Variants in SERPINA5 observed in about 807,000 individuals in gnomAD.
The protein encoded by SERPINA5 is serpin family A member 5, also known as plasma serine protease inhibitor.
Under a neutral mutation model 25.3 loss-of-function variants are expected in SERPINA5, and 25 were observed. That is an observed-to-expected ratio of 0.99 (90% CI 0.72 to 1.38). The LOEUF (loss-of-function observed/expected upper bound fraction) is 1.38. SERPINA5 is among the 40% of genes most tolerant of loss of function. The probability of loss-of-function intolerance (pLI) is 0.00; values close to 1 mark genes in which losing one functional copy is unlikely to be tolerated. For synonymous variants in SERPINA5, 234 were observed against 206.2 expected, an observed-to-expected ratio of 1.14 and a Z score of -1.16; for missense variants, 599 against 509.5, an observed-to-expected ratio of 1.18 and a Z score of -1.69.
Position 94,592,215 on chromosome 14 carries a change from C to T in SERPINA5, c.1197C>T (p.Phe399=), listed in dbSNP as rs1885330132. Residue 399 remains phenylalanine (F), a synonymous_variant, in exon 6 of 6, where the codon TTC becomes TTT. Transcript: ENST00000329597. The part of the protein sequence containing the change: ...LMFIVDNNIL[F]LGKVNRP Reference sequence around the variant, plus strand: ...TCATTGTGGATAACAACATCCTCTTCCTTGGCAAAGTGAACCGCCCCTGAG... The same window carrying T: ...TCATTGTGGATAACAACATCCTCTTTCTTGGCAAAGTGAACCGCCCCTGAG... The T allele has an allele frequency of 6.2e-7, 1 of 1,613,690 alleles. No individual in the cohort carries two copies. The highest frequency in any genetic ancestry group is 8.5e-7 in the Non-Finnish European group (1 of 1,179,788).
At position 94,584,680 on chromosome 14, in the gene SERPINA5, G is replaced by A. The variant is rs78447753; in HGVS notation, c.-17-2666G>A. 2.1e-3 allele frequency among the ~76,000 whole-genome samples: 319 copies of A among 152,286 alleles called. 2 individuals carry two copies. The East Asian group carries it at 0.025, about 12-fold the overall frequency. On this transcript the variant is annotated intron_variant, in intron 2 of 5. Transcript: ENST00000329597. ...AATAGATGGGAGAATGGAGGCCAGG[G>A]CCTCACTGAGACTCTCTGGTCAGCT...
chr14:94,590,390 G>C, intron 4 of SERPINA5, 79 bp downstream of exon 4: 1 of 1,483,256 alleles, frequency 6.7e-7, no homozygotes, highest in Non-Finnish European at 9.0e-7. Flanking sequence ...GGGCCACACA[G>C]CACTGGTGGG....
chr14:94,583,788 A>G (rs1884989780), intron 2 of SERPINA5, among the ~76,000 whole-genome samples: 1 of 152,306 alleles, frequency 6.6e-6, no homozygotes, highest in Admixed American at 6.5e-5. Flanking sequence ...CAGAAACACT[A>G]AAGCCAGGGA....
rs3138588 is a variant in SERPINA5 at position 94,585,764 on chromosome 14, C to CGTGTGTGTGTGTGTGT, written c.-17-1557_-17-1542dup. ...CAGCCTGGGTGCTGTCAGGCTCACA[C>CGTGTGTGTGTGTGTGT]GTGTGTGTGTGTGTGTGTGTGTGTG... On this transcript the variant is annotated intron_variant, in intron 2 of 5. Coordinates refer to ENST00000329597, the MANE Select transcript of SERPINA5 (RefSeq NM_000624.6). 4.4e-3 allele frequency among the ~76,000 whole-genome samples: 643 copies of CGTGTGTGTGTGTGTGT among 145,846 alleles called. 2 individuals are homozygous for CGTGTGTGTGTGTGTGT. Among genetic ancestry groups the CGTGTGTGTGTGTGTGT allele is most frequent in the Non-Finnish European group, 5.7e-3 (381 of 66,574 alleles).
intron 5 of SERPINA5, among the ~76,000 whole-genome samples, chr14:94,591,629 T>C (rs1267342438): frequency 1.2e-5 from 1 of 81,042 alleles, no homozygotes; most frequent in African/African-American, 4.3e-5. Flanking sequence ...TCTCCCTCTC[T>C]TTTCCCACAA....
chr14:94,589,976 T>C, intron 3 of SERPINA5, 65 bp from the exon 4 acceptor site: 1 of 1,463,952 alleles, frequency 6.8e-7, no homozygotes, highest in Non-Finnish European at 9.2e-7. Context: ...TCCTTTTATT[T>C]GCAGCTGAGA....
Position 94,587,767 on chromosome 14 carries a change from C to A in SERPINA5, c.405C>A (p.Thr135=), listed in dbSNP as rs549177559. The change falls in exon 3 of 6, where the codon ACC becomes ACA. Residue 135 remains threonine (T), a synonymous_variant. Coordinates refer to ENST00000329597, the MANE Select transcript of SERPINA5 (RefSeq NM_000624.6). The part of the protein sequence containing the change: ...FQLSLGNALF[T]DLVVDLQDTF... ...TGAGCCTCGGCAATGCCCTTTTCAC[C>A]GACCTGGTGGTAGACCTGCAGGACA... 6.2e-7 allele frequency: 1 copy of A among 1,614,186 alleles called. No individual in the cohort carries two copies. The highest frequency in any genetic ancestry group is 1.1e-5 in the South Asian group (1 of 91,080).
At position 94,587,513 on chromosome 14, in the gene SERPINA5, G is replaced by T. The variant is rs1885132023; in HGVS notation, c.151G>T (p.Asp51Tyr). ...APSSRRDFTF[D>Y]LYRALASAAP... ...CAGCAGCAGAAGGGACTTTACCTTT[G>T]ACCTCTACAGGGCCTTGGCTTCCGC... Residue 51 changes from aspartate (D) to tyrosine (Y), a missense_variant, in exon 3 of 6, where the codon GAC (aspartate) becomes TAC (tyrosine). Physicochemically the swap from Asp to Tyr is radical, Grantham distance 160. Transcript: ENST00000329597. The T allele has an allele frequency of 6.2e-7, 1 of 1,613,956 alleles. No homozygotes were observed. Among genetic ancestry groups the T allele is most frequent in the Non-Finnish European group, 8.5e-7 (1 of 1,179,970 alleles).
chr14:94,584,204 C>A (rs1189958513), intron 2 of SERPINA5, among the ~76,000 whole-genome samples: 1 of 152,166 alleles, frequency 6.6e-6, no homozygotes, highest in Admixed American at 6.5e-5. Context: ...ATTCCGGTTC[C>A]ATCACTCAGT....
chr14:94,590,669 G>T, intron 4 of SERPINA5, 80 bp from the exon 5 acceptor site: 1 of 1,464,916 alleles, frequency 6.8e-7, no homozygotes, highest in Non-Finnish European at 9.3e-7. Flanking sequence ...TAAGAATCCA[G>T]TGCATTATGA....
At chr14:94,582,603 A>G (rs1445815391) in intron 2 of SERPINA5, among the ~76,000 whole-genome samples, 3 of 151,962 alleles carry the variant, frequency 2.0e-5, no homozygotes, top group African/African-American at 7.3e-5. Context: ...TCCACTGCTC[A>G]GTGTCCAGCT....
chr14:94,590,959 C>G, intron 5 of SERPINA5, 63 bp downstream of exon 5: 1 of 1,488,080 alleles, frequency 6.7e-7, no homozygotes, highest in East Asian at 2.3e-5. Flanking sequence ...TCTTTCTATT[C>G]TACTCTACCC....
At chr14:94,582,641 G>A (rs1157240806) in intron 2 of SERPINA5, among the ~76,000 whole-genome samples, 1 of 152,186 alleles carries the variant, frequency 6.6e-6, no homozygotes, top group African/African-American at 2.4e-5. Context: ...GAATTACAGA[G>A]AAGGAGACTG....
intron 4 of SERPINA5, 38 bp from the exon 5 acceptor site, chr14:94,590,711 C>G: frequency 6.2e-7 from 1 of 1,602,902 alleles, no homozygotes; most frequent in Non-Finnish European, 8.5e-7. Flanking sequence ...GTGCCAATGC[C>G]CCAGAACAGT....
chr14:94,586,316 G>T (rs1434767692), intron 2 of SERPINA5, among the ~76,000 whole-genome samples: 1 of 152,264 alleles, frequency 6.6e-6, no homozygotes, highest in East Asian at 1.9e-4. Flanking sequence ...GGGCTAGGGG[G>T]CTTCAACAAC....
rs765037493 is a variant in SERPINA5 at position 94,590,133 on chromosome 14, C to T, written c.712C>T (p.Arg238Cys). ...TGTGGTGCGGGTACCCATGATGAGC[C>T]GCGAGGATCAGTATCACTACCTCCT... ...ETVVRVPMMSREDQYHYLLDR... is the reference protein window; with the variant it reads ...ETVVRVPMMSCEDQYHYLLDR... Residue 238 changes from arginine (R) to cysteine (C), a missense_variant, in exon 4 of 6, where the codon CGC becomes TGC. Arg to Cys is a radical substitution (Grantham distance 180). Coordinates refer to ENST00000329597, the MANE Select transcript of SERPINA5 (RefSeq NM_000624.6). The T allele has an allele frequency of 2.7e-5, 44 of 1,613,950 alleles. No homozygotes were observed. The highest frequency in any genetic ancestry group is 1.6e-4 in the East Asian group (7 of 44,888).
At position 94,590,025 on chromosome 14, in the gene SERPINA5, CT is replaced by C; in HGVS notation, c.620-10del. The C allele has an allele frequency of 6.5e-7, 1 of 1,549,048 alleles. No homozygotes were observed. ...ACACAAAATTCTTTTTCATTTTTCC[CT>C]TTTTTCATCTTTAGCTAAGTGGGAG... is the stretch of plus-strand genomic sequence containing the variant. On this transcript the variant is annotated splice_polypyrimidine_tract_variant and intron_variant, in intron 3 of 5. Transcript: ENST00000329597.
chr14:94,592,187 T>C lies in SERPINA5; in HGVS notation c.1169T>C (p.Met390Thr), dbSNP rs200892979. The C allele has an allele frequency of 3.1e-6, 5 of 1,614,194 alleles. No homozygotes were observed. In the East Asian group the frequency reaches 1.1e-4, roughly 36 times the overall value. The change falls in exon 6 of 6, where the codon ATG becomes ACG. Residue 390 changes from methionine (M) to threonine (T), a missense_variant. Coordinates refer to ENST00000329597, the MANE Select transcript of SERPINA5 (RefSeq NM_000624.6). ...CTAGTGTTCAACAGGCCCTTTCTGA[T>C]GTTCATTGTGGATAACAACATCCTC... is the stretch of plus-strand genomic sequence containing the variant. ...QRLVFNRPFL[M>T]FIVDNNILFL...
intron 2 of SERPINA5, among the ~76,000 whole-genome samples, chr14:94,583,648 T>A (rs1277031056): frequency 6.6e-6 from 1 of 152,212 alleles, no homozygotes; most frequent in Admixed American, 6.5e-5. Flanking sequence ...AGATTTGGGT[T>A]TCGGGGATGG....
Sources: allele counts gnomAD v4.1 joint callset (sites outside exome capture counted in the v4.1 genomes callset), GRCh38; gene constraint gnomAD v4.1.1; transcripts MANE v1.5; gene names NCBI Gene and HGNC (gene_info 2026-07-23, HGNC 2026-07-21).